The following ITFG1 variants were observed in gnomAD, a reference collection of about 807,000 sequenced individuals.
ITFG1 encodes integrin alpha FG-GAP repeat containing 1, also known as T-cell immunomodulatory protein.
A neutral mutation model predicts 81.8 loss-of-function variants in ITFG1; 34 were observed. The ratio of observed to expected loss-of-function variants is 0.42; its 90% CI spans 0.32 to 0.55. The LOEUF is 0.55. ITFG1 is among the 20% of genes least tolerant of loss of function. The pLI is 0.17. For synonymous variants in ITFG1, 285 were observed against 270.6 expected, an observed-to-expected ratio of 1.05 and a Z score of -0.52; for missense variants, 672 against 755.4, an observed-to-expected ratio of 0.89 and a Z score of 1.29.
intron 12 of ITFG1, among the ~76,000 whole-genome samples, chr16:47,255,008 A>G (rs1966123405): frequency 6.6e-6 from 1 of 152,198 alleles, no homozygotes; most frequent in South Asian, 2.1e-4. Context: ...AATTGCTTCA[A>G]CCTGGGAGGC....
chr16:47,163,664 A>C (rs955142785), intron 14 of ITFG1, among the ~76,000 whole-genome samples: 2 of 152,138 alleles, frequency 1.3e-5, no homozygotes, highest in Admixed American at 6.5e-5. Flanking sequence ...TATGTAGCTA[A>C]GTGTTTAACA....
chr16:47,261,150 T>C (rs1279578054), intron 10 of ITFG1, among the ~76,000 whole-genome samples: 1 of 152,216 alleles, frequency 6.6e-6, no homozygotes, highest in Non-Finnish European at 1.5e-5. Context: ...TTGCCAAGCA[T>C]CTCTCAGATA....
At chr16:47,255,025 T>C (rs1192227946) in intron 12 of ITFG1, among the ~76,000 whole-genome samples, 1 of 152,052 alleles carries the variant, frequency 6.6e-6, no homozygotes, top group African/African-American at 2.4e-5. Context: ...AGGCGGAGGG[T>C]GCAGTCAGCC....
At chr16:47,310,777 A>G (rs933328889) in intron 10 of ITFG1, among the ~76,000 whole-genome samples, 4 of 152,276 alleles carry the variant, frequency 2.6e-5, no homozygotes, top group East Asian at 1.9e-4. Context: ...AATCTTTACT[A>G]TAACTCCATG....
At chr16:47,337,321 CAGCACTTTGGG>C (rs1967719648) in intron 8 of ITFG1, among the ~76,000 whole-genome samples, 1 of 152,076 alleles carries the variant, frequency 6.6e-6, no homozygotes. Flanking sequence ...CCTGTAATCC[CAGCACTTTGGG>C]AGGCCGAGGC....
intron 6 of ITFG1, among the ~76,000 whole-genome samples, chr16:47,413,322 T>C (rs1371895786): frequency 6.6e-6 from 1 of 152,218 alleles, no homozygotes; most frequent in Non-Finnish European, 1.5e-5. Context: ...AGGGAATTCA[T>C]TCCCACTATG....
intron 14 of ITFG1, among the ~76,000 whole-genome samples, chr16:47,214,598 TAA>T (rs968784898): frequency 2.6e-5 from 4 of 152,220 alleles, no homozygotes; most frequent in African/African-American, 9.6e-5. Flanking sequence ...TTTAAGCTCC[TAA>T]AAAGTTCATA....
intron 10 of ITFG1, among the ~76,000 whole-genome samples, chr16:47,262,183 A>T (rs959865819): frequency 2.6e-5 from 4 of 152,216 alleles, no homozygotes; most frequent in African/African-American, 9.6e-5. Context: ...GAAAAATTCC[A>T]AAACAAATAG....
chr16:47,298,549 A>G (rs988422145), intron 10 of ITFG1, among the ~76,000 whole-genome samples: 2 of 151,970 alleles, frequency 1.3e-5, no homozygotes, highest in Non-Finnish European at 2.9e-5. Context: ...GGGTATGTTC[A>G]GTAGCAAAGA....
chr16:47,406,793 C>T (rs1968735037), intron 6 of ITFG1, among the ~76,000 whole-genome samples: 1 of 152,124 alleles, frequency 6.6e-6, no homozygotes, highest in East Asian at 1.9e-4. Context: ...AATATAGCGA[C>T]CCTCACTGAG....
intron 10 of ITFG1, among the ~76,000 whole-genome samples, chr16:47,293,574 T>C (rs1966940529): frequency 6.6e-6 from 1 of 152,108 alleles, no homozygotes; most frequent in Non-Finnish European, 1.5e-5. Flanking sequence ...TGTCTCATTG[T>C]GGTTTAGATT....
At chr16:47,258,771 C>A in intron 11 of ITFG1, 31 bp from the exon 12 acceptor site, 2 of 1,037,060 alleles carry the variant, frequency 1.9e-6, no homozygotes, top group East Asian at 2.6e-5. Flanking sequence ...ATGGTAAGAA[C>A]AAACTATTAG....
intron 8 of ITFG1, among the ~76,000 whole-genome samples, chr16:47,328,363 C>T (rs746416075): frequency 1.1e-4 from 17 of 151,934 alleles, no homozygotes; most frequent in Non-Finnish European, 2.1e-4. Flanking sequence ...GGAGATATAC[C>T]TAATGCTAAG....
chr16:47,365,355 G>T (rs776651099), intron 8 of ITFG1, among the ~76,000 whole-genome samples: 3 of 152,108 alleles, frequency 2.0e-5, no homozygotes, highest in Non-Finnish European at 4.4e-5. Context: ...TCCTCTTTTG[G>T]GTAATTCATA....
chr16:47,377,032 GT>G (rs921899135), intron 6 of ITFG1, among the ~76,000 whole-genome samples: 197 of 143,312 alleles, frequency 1.4e-3, no homozygotes, highest in Non-Finnish European at 1.7e-3. Flanking sequence ...GAAAAAAAGA[GT>G]TTTTTTTTCC....
chr16:47,333,054 T>C (rs985585091), intron 8 of ITFG1, among the ~76,000 whole-genome samples: 5 of 152,206 alleles, frequency 3.3e-5, no homozygotes, highest in Admixed American at 1.3e-4. Flanking sequence ...TTAATAAATA[T>C]ACAATGCCCA....
chr16:47,163,016 G>A lies in ITFG1; in HGVS notation c.1454-352C>T, dbSNP rs143081349. Among the ~76,000 whole-genome samples, 8 of 152,030 alleles carry A rather than the reference G, an allele frequency of 5.3e-5. No homozygotes were observed. The East Asian group carries it at 5.8e-4, about 11-fold the overall frequency. ...GAGACGGGGTCTTACTATGTTGCCC[G>A]GCCTTGAACTCCTGGGCTCAAGTGA... On this transcript the variant is annotated intron_variant, in intron 14 of 17. Coordinates refer to ENST00000320640, the MANE Select transcript of ITFG1 (RefSeq NM_030790.5).
intron 5 of ITFG1, among the ~76,000 whole-genome samples, chr16:47,447,367 A>G (rs1404418887): frequency 1.3e-5 from 2 of 152,230 alleles, no homozygotes; most frequent in Non-Finnish European, 2.9e-5. Context: ...ACATCTAAAA[A>G]TTATTAAGAT....
chr16:47,158,356 A>C (rs1040267719), intron 17 of ITFG1, among the ~76,000 whole-genome samples: 3 of 152,096 alleles, frequency 2.0e-5, no homozygotes, highest in South Asian at 2.1e-4. Context: ...TGGCCTCCCA[A>C]AGTGCTGGGA....
Sources: gnomAD v4.1 joint callset for allele counts (sites outside exome capture counted in the v4.1 genomes callset) on GRCh38, gnomAD v4.1.1 for gene constraint, MANE v1.5 for transcripts, NCBI Gene and HGNC (gene_info 2026-07-23, HGNC 2026-07-21) for gene names.